The following ALX4 variants were observed in gnomAD, a reference collection of about 807,000 sequenced individuals.
ALX4 encodes the protein ALX homeobox 4, also known as homeobox protein aristaless-like 4.
In ALX4, 22 loss-of-function variants were observed where a neutral mutation model predicts 40.6. The ratio of observed to expected loss-of-function variants is 0.54; its 90% CI spans 0.39 to 0.77. The LOEUF is 0.77. Among genes scored for constraint, ALX4 ranks in the 30% least tolerant of loss-of-function variants. The pLI is 0.00. For missense variants in ALX4, 556 were observed against 564.8 expected, an observed-to-expected ratio of 0.98 and a Z score of 0.16; for synonymous variants, 266 against 240.5, an observed-to-expected ratio of 1.11 and a Z score of -0.98.
chr11:44,264,821 G>T lies in ALX4; in HGVS notation c.*33C>A, dbSNP rs200498976. 2.5e-6 allele frequency: 4 copies of T among 1,607,808 alleles called. No homozygotes were observed. In the South Asian group the frequency reaches 4.4e-5, roughly 18 times the overall value. On this transcript the variant is annotated 3_prime_UTR_variant, in exon 4 of 4. Coordinates refer to ENST00000652299, the MANE Select transcript of ALX4 (RefSeq NM_021926.4). ...GGAAAACATGGGCGTGGCCCATGGT[G>T]TCCCGAGGTGGGGACGGGGCAGGGG...
At chr11:44,275,206 C>A (rs2135313760) in intron 2 of ALX4, 142 bp downstream of exon 2, 1 of 827,168 alleles carries the variant, frequency 1.2e-6, no homozygotes, top group Admixed American at 2.0e-5. Flanking sequence ...AGGCTAGGAG[C>A]CCCCACTTTC....
chr11:44,303,945 GAGGT>G (rs1452994956), intron 1 of ALX4, among the ~76,000 whole-genome samples: 16 of 152,336 alleles, frequency 1.1e-4, no homozygotes, highest in African/African-American at 3.8e-4. Flanking sequence ...CTGCAGAGAA[GAGGT>G]GTGCCGGGCT....
At chr11:44,270,865 C>T (rs1289366614) in intron 2 of ALX4, among the ~76,000 whole-genome samples, 1 of 152,240 alleles carries the variant, frequency 6.6e-6, no homozygotes, top group Non-Finnish European at 1.5e-5. Flanking sequence ...CTAACCGCAG[C>T]CCATCTGGGG....
chr11:44,295,710 G>A (rs1002787647), intron 1 of ALX4, among the ~76,000 whole-genome samples: 1 of 152,216 alleles, frequency 6.6e-6, no homozygotes, highest in Non-Finnish European at 1.5e-5. Context: ...TTCCTTCTTG[G>A]AGCTCCTCCA....
intron 1 of ALX4, among the ~76,000 whole-genome samples, chr11:44,276,521 C>A (rs1476727485): frequency 6.6e-6 from 1 of 152,240 alleles, no homozygotes; most frequent in South Asian, 2.1e-4. Context: ...TCAACCCATA[C>A]ACATCAAGAA....
chr11:44,265,008 T>C lies in ALX4; in HGVS notation c.1082A>G (p.Gln361Arg), dbSNP rs772445432. ...TCCAAACAGGCTGCCCATGTGCGTCTGGCCCACGTGACTGCCAGCCCCAGA... is the reference window on the plus strand; with the variant it reads ...TCCAAACAGGCTGCCCATGTGCGTCCGGCCCACGTGACTGCCAGCCCCAGA... ...SVSGAGSHVGQTHMGSLFGAA... is the reference protein window; with the variant it reads ...SVSGAGSHVGRTHMGSLFGAA... Residue 361 changes from glutamine (Q) to arginine (R), a missense_variant, in exon 4 of 4, where the codon CAG becomes CGG. By Grantham distance (43) the Gln-to-Arg change is conservative. Coordinates refer to ENST00000652299, the MANE Select transcript of ALX4 (RefSeq NM_021926.4). The C allele has an allele frequency of 1.2e-6, 2 of 1,613,060 alleles. No individual in the cohort carries two copies. Among genetic ancestry groups the C allele is most frequent in the African/African-American group, 2.7e-5 (2 of 75,056 alleles).
intron 2 of ALX4, among the ~76,000 whole-genome samples, chr11:44,272,543 C>T (rs924447638): frequency 2.0e-5 from 3 of 150,320 alleles, no homozygotes; most frequent in African/African-American, 4.9e-5. Flanking sequence ...TGGTGGCTCA[C>T]GCCTGTAATC....
chr11:44,267,358 C>T lies in ALX4; in HGVS notation c.906+136G>A, dbSNP rs1956219408. The T allele has an allele frequency of 4.3e-6, 5 of 1,176,384 alleles. No homozygotes were observed. The South Asian group carries it at 7.4e-5, about 17-fold the overall frequency. 72.9% of individuals were successfully genotyped at this position (1,176,384 alleles called of 1,614,324 possible). On this transcript the variant is annotated intron_variant, in intron 3 of 3. Coordinates refer to ENST00000652299, the MANE Select transcript of ALX4 (RefSeq NM_021926.4). ...CCTCCCACACTCTGGTATAAACAGG[C>T]ACACCCCTGGAATGAGACGGAAGGG...
chr11:44,294,074 G>A (rs1956389184), intron 1 of ALX4, among the ~76,000 whole-genome samples: 1 of 152,250 alleles, frequency 6.6e-6, no homozygotes, highest in South Asian at 2.1e-4. Context: ...AGGCATGAGG[G>A]CATCCAGGCA....
At chr11:44,286,343 G>A (rs180912379) in intron 1 of ALX4, among the ~76,000 whole-genome samples, 3 of 152,314 alleles carry the variant, frequency 2.0e-5, no homozygotes, top group East Asian at 3.9e-4. Context: ...ATGAGAAGAG[G>A]AGATGGAGGG....
intron 2 of ALX4, among the ~76,000 whole-genome samples, chr11:44,268,226 C>A (rs1012471230): frequency 1.3e-5 from 2 of 152,158 alleles, no homozygotes; most frequent in African/African-American, 2.4e-5. Context: ...GGAGGAGGGA[C>A]AGGAGCTGGG....
At chr11:44,277,839 G>A (rs1444069358) in intron 1 of ALX4, among the ~76,000 whole-genome samples, 2 of 152,196 alleles carry the variant, frequency 1.3e-5, no homozygotes, top group African/African-American at 4.8e-5. Context: ...GACGCCATGG[G>A]GGTGCACGAC....
At chr11:44,305,301 G>A (rs892322396) in intron 1 of ALX4, among the ~76,000 whole-genome samples, 3 of 152,198 alleles carry the variant, frequency 2.0e-5, no homozygotes, top group Admixed American at 2.0e-4. Flanking sequence ...TTTTAATCCA[G>A]GCCCTCTGTT....
chr11:44,298,539 C>T (rs1956416761), intron 1 of ALX4, among the ~76,000 whole-genome samples: 1 of 152,102 alleles, frequency 6.6e-6, no homozygotes, highest in Non-Finnish European at 1.5e-5. Context: ...GGGCAGGACA[C>T]GGAACTCACT....
chr11:44,283,601 G>C (rs1956322053), intron 1 of ALX4, among the ~76,000 whole-genome samples: 2 of 152,128 alleles, frequency 1.3e-5, no homozygotes, highest in Admixed American at 1.3e-4. Flanking sequence ...GTCTCGCTTT[G>C]CCACCCAGGC....
intron 1 of ALX4, among the ~76,000 whole-genome samples, chr11:44,306,032 C>A (rs1332151268): frequency 6.6e-6 from 1 of 152,220 alleles, no homozygotes; most frequent in Non-Finnish European, 1.5e-5. Flanking sequence ...CGTCGGATCT[C>A]CAACCCGACA....
Position 44,309,949 on chromosome 11 carries a change from G to C in ALX4, c.114C>G (p.Pro38=), listed in dbSNP as rs766611438. 3.1e-6 allele frequency: 5 copies of C among 1,594,354 alleles called. No individual in the cohort carries two copies. The African/African-American group carries it at 6.7e-5, about 21-fold the overall frequency. ...REGSSPFRAF[P]GGDKFGTTFL... ...AAGTTGTGCCGAACTTGTCGCCTCC[G>C]GGAAATGCCCTAAAAGGCGACGAGC... The change falls in exon 1 of 4, where the codon CCC becomes CCG. Residue 38 remains proline (P), a synonymous_variant. Transcript: ENST00000652299.
chr11:44,307,767 A>G (rs1217000434), intron 1 of ALX4, among the ~76,000 whole-genome samples: 1 of 152,130 alleles, frequency 6.6e-6, no homozygotes, highest in Non-Finnish European at 1.5e-5. Flanking sequence ...CTGCTGGCTT[A>G]GCACGGAAAG....
At position 44,309,810 on chromosome 11, in the gene ALX4, C is replaced by T. The variant is rs765279140; in HGVS notation, c.253G>A (p.Gly85Ser). The T allele has an allele frequency of 2.6e-5, 41 of 1,551,960 alleles. No individual in the cohort carries two copies. Among genetic ancestry groups the T allele is most frequent in the Non-Finnish European group, 1.1e-5 (13 of 1,147,612 alleles). Residue 85 changes from glycine to serine, a missense_variant, in exon 1 of 4, where the codon GGC (glycine) becomes AGC (serine). Transcript: ENST00000652299. ...TPLESGAGAR[G>S]SFNKFQPQPS... ...TGGGGCTGGAACTTGTTAAAGGAGC[C>T]CCGCGCCCCAGCTCCACTCTCCAGG...
Sources: gnomAD v4.1 joint callset for allele counts (sites outside exome capture counted in the v4.1 genomes callset) on GRCh38, gnomAD v4.1.1 for gene constraint, MANE v1.5 for transcripts, NCBI Gene and HGNC (gene_info 2026-07-23, HGNC 2026-07-21) for gene names.